The following ARHGAP24 variants were observed in gnomAD, a reference collection of about 807,000 sequenced individuals.
ARHGAP24 encodes Rho GTPase activating protein 24.
Under a neutral mutation model 76.4 loss-of-function variants are expected in ARHGAP24, and 50 were observed. The ratio of observed to expected loss-of-function variants is 0.65; its 90% CI spans 0.52 to 0.83. The LOEUF is 0.83. Among genes scored for constraint, ARHGAP24 ranks in the 40% least tolerant of loss-of-function variants. The pLI, the probability that ARHGAP24 is intolerant of heterozygous loss-of-function variation, is 0.00. For missense variants in ARHGAP24, 930 were observed against 914.2 expected (o/e 1.02, Z -0.22); for synonymous variants, 345 against 323.3 (o/e 1.07, Z -0.72).
intron 2 of ARHGAP24, among the ~76,000 whole-genome samples, chr4:85,676,116 G>A (rs1401281893): frequency 1.3e-5 from 2 of 152,194 alleles, no homozygotes; most frequent in Admixed American, 1.3e-4. Flanking sequence ...TGATATGGCA[G>A]TTATCATAGC....
chr4:85,543,978 G>A (rs1285842635), intron 1 of ARHGAP24, among the ~76,000 whole-genome samples: 1 of 152,128 alleles, frequency 6.6e-6, no homozygotes, highest in Non-Finnish European at 1.5e-5. Flanking sequence ...AGTTGATGAT[G>A]TAATTTTTCC....
intron 3 of ARHGAP24, among the ~76,000 whole-genome samples, chr4:85,816,166 C>T (rs1729228876): frequency 6.6e-6 from 1 of 152,154 alleles, no homozygotes; most frequent in Admixed American, 6.5e-5. Context: ...CATATCAGAA[C>T]ATTTAAGATC....
chr4:85,957,490 C>CA (rs1737983777), intron 5 of ARHGAP24, among the ~76,000 whole-genome samples: 1 of 152,162 alleles, frequency 6.6e-6, no homozygotes, highest in Admixed American at 6.5e-5. Flanking sequence ...TAACATGCCT[C>CA]TTTTTCCCAA....
At chr4:85,544,712 A>C (rs1036404634) in intron 1 of ARHGAP24, among the ~76,000 whole-genome samples, 2 of 152,140 alleles carry the variant, frequency 1.3e-5, no homozygotes, top group African/African-American at 4.8e-5. Flanking sequence ...ATATATATAC[A>C]CATACATATA....
chr4:85,897,306 C>T (rs1734232848), intron 3 of ARHGAP24, among the ~76,000 whole-genome samples: 1 of 152,050 alleles, frequency 6.6e-6, no homozygotes, highest in African/African-American at 2.4e-5. Context: ...AAAAATCACT[C>T]CACAGTCTGC....
In ARHGAP24 at chr4:85,831,857, A is replaced by T. The variant is rs117468361; in HGVS notation, c.269-91791A>T. Reference sequence around the variant, plus strand: ...GTCAAGGCTGCAGTGAGCTGACATCACACCACTGAAGTTCAGCTTGGGCAA... The same window carrying T: ...GTCAAGGCTGCAGTGAGCTGACATCTCACCACTGAAGTTCAGCTTGGGCAA... On this transcript the variant is annotated intron_variant, in intron 3 of 9. Coordinates refer to ENST00000395184, the MANE Select transcript of ARHGAP24 (RefSeq NM_001025616.3). Among the ~76,000 whole-genome samples, 5 of 151,586 alleles carry T rather than the reference A, an allele frequency of 3.3e-5. No homozygotes were observed. The East Asian group carries it at 9.7e-4, about 29-fold the overall frequency.
At chr4:85,985,583 A>C (rs1350520849) in intron 8 of ARHGAP24, among the ~76,000 whole-genome samples, 1 of 152,198 alleles carries the variant, frequency 6.6e-6, no homozygotes, top group Admixed American at 6.5e-5. Context: ...CTCATGACAC[A>C]AGTTTACCTG....
intron 8 of ARHGAP24, among the ~76,000 whole-genome samples, chr4:85,983,424 C>T (rs1442033158): frequency 8.5e-5 from 13 of 152,104 alleles, no homozygotes. Context: ...TCTCTGCATC[C>T]TTGACAGCAT....
chr4:85,820,376 A>G lies in ARHGAP24; in HGVS notation c.268+98404A>G, dbSNP rs144715912. ...GGAGGCCATTATCCTTAGCAAACTA[A>G]CACAGGAACAGAAAACCAAATACCA... On this transcript the variant is annotated intron_variant, in intron 3 of 9. Coordinates refer to ENST00000395184, the MANE Select transcript of ARHGAP24 (RefSeq NM_001025616.3). 6.8e-4 allele frequency among the ~76,000 whole-genome samples: 104 copies of G among 152,290 alleles called. No individual in the cohort carries two copies. In the East Asian group the frequency reaches 0.019, roughly 28 times the overall value.
intron 3 of ARHGAP24, among the ~76,000 whole-genome samples, chr4:85,724,491 G>GTATATATATATATA (rs60930279): frequency 2.8e-4 from 3 of 10,710 alleles, no homozygotes; most frequent in African/African-American, 3.7e-4. Context: ...TTCCATGTGT[G>GTATATATATATATA]TATATATATA....
intron 1 of ARHGAP24, among the ~76,000 whole-genome samples, chr4:85,564,399 G>C (rs572724616): frequency 8.8e-4 from 127 of 144,842 alleles, no homozygotes; most frequent in African/African-American, 3.4e-3. Context: ...GTTGTGGGGT[G>C]GGGGGAGCGG....
chr4:85,505,522 A>C (rs903673540), intron 1 of ARHGAP24, among the ~76,000 whole-genome samples: 1 of 152,148 alleles, frequency 6.6e-6, no homozygotes, highest in Non-Finnish European at 1.5e-5. Context: ...TTGGCTATTG[A>C]AGCTTGTGCA....
chr4:85,925,933 T>C (rs1160905946), intron 4 of ARHGAP24, among the ~76,000 whole-genome samples: 1 of 152,174 alleles, frequency 6.6e-6, no homozygotes, highest in Non-Finnish European at 1.5e-5. Context: ...CTGGAATTCC[T>C]GAGTTCAGAA....
chr4:85,526,745 A>G (rs1407894685), intron 1 of ARHGAP24, among the ~76,000 whole-genome samples: 1 of 152,186 alleles, frequency 6.6e-6, no homozygotes, highest in Non-Finnish European at 1.5e-5. Flanking sequence ...AACTTCAATT[A>G]TTGAATACCT....
chr4:85,877,343 G>A (rs370275984), intron 3 of ARHGAP24, among the ~76,000 whole-genome samples: 9 of 152,248 alleles, frequency 5.9e-5, no homozygotes, highest in African/African-American at 1.9e-4. Context: ...AATAGCACAA[G>A]ACTGGATGCA....
intron 2 of ARHGAP24, among the ~76,000 whole-genome samples, chr4:85,577,170 A>T (rs1271996621): frequency 2.0e-5 from 3 of 150,100 alleles, no homozygotes; most frequent in Non-Finnish European, 4.4e-5. Flanking sequence ...TAATGTACCT[A>T]CAAGTATTAT....
At chr4:85,626,163 C>T (rs954352987) in intron 2 of ARHGAP24, among the ~76,000 whole-genome samples, 1 of 152,140 alleles carries the variant, frequency 6.6e-6, no homozygotes, top group Non-Finnish European at 1.5e-5. Context: ...TTCTTCCTAG[C>T]CTTGATGGTC....
At chr4:85,805,124 T>C (rs572201668) in intron 3 of ARHGAP24, among the ~76,000 whole-genome samples, 18 of 152,286 alleles carry the variant, frequency 1.2e-4, no homozygotes, top group East Asian at 5.8e-4. Flanking sequence ...GTGAGACTTA[T>C]AGGGAGAGTC....
intron 3 of ARHGAP24, among the ~76,000 whole-genome samples, chr4:85,771,518 T>G (rs1224384564): frequency 6.6e-6 from 1 of 152,246 alleles, no homozygotes; most frequent in Non-Finnish European, 1.5e-5. Flanking sequence ...ATTCGAAGGC[T>G]AACGACTTCT....
Sources: gnomAD v4.1 joint callset for allele counts (sites outside exome capture counted in the v4.1 genomes callset) on GRCh38, gnomAD v4.1.1 for gene constraint, MANE v1.5 for transcripts, NCBI Gene and HGNC (gene_info 2026-07-23, HGNC 2026-07-21) for gene names.